EFHB: variants seen among roughly 807,000 people sequenced by gnomAD.
EFHB encodes the protein EF-hand domain family member B.
EFHB carries 91 observed loss-of-function variants against 87.2 expected under a neutral mutation model. The observed-to-expected ratio is 1.04, with a 90% CI of 0.88 to 1.24. EFHB has a LOEUF of 1.24. Ranked by LOEUF, EFHB falls within the 50% of genes most tolerant of loss-of-function variation. The pLI is 0.00. For synonymous variants in EFHB, 325 were observed against 333.6 expected (o/e 0.97, Z 0.28); for missense variants, 1,084 against 998.8 (o/e 1.09, Z -1.15).
intron 1 of EFHB, chr3:19,942,509 G>A (rs1696183054): frequency 6.6e-6 from 1 of 152,214 alleles, no homozygotes; most frequent in South Asian, 2.1e-4. Context: ...GTTGCAGGGG[G>A]TAGGATCGGG....
At chr3:19,920,062 C>T (rs1695384406) in intron 2 of EFHB, 86 bp from the exon 3 acceptor site, 1 of 1,416,962 alleles carries the variant, frequency 7.1e-7, no homozygotes, top group South Asian at 1.3e-5. Flanking sequence ...AACCAACAAC[C>T]TTAAGTGCAT....
At chr3:19,884,723 A>G in intron 10 of EFHB, 108 bp from the exon 11 acceptor site, 1 of 1,092,274 alleles carries the variant, frequency 9.2e-7, no homozygotes, top group East Asian at 2.4e-5. Context: ...TTGCTAATGG[A>G]AACAGCTGGC....
intron 1 of EFHB, among the ~76,000 whole-genome samples, chr3:19,932,565 G>C (rs1695864464): frequency 6.6e-6 from 1 of 152,140 alleles, no homozygotes; most frequent in Admixed American, 6.5e-5. Context: ...GACACCTTTC[G>C]ATGTTAGCTC....
rs534352008 is a variant in EFHB at position 19,882,871 on chromosome 3, C to T, written c.2147-140G>A. 14 of 610,038 alleles carry T rather than the reference C, an allele frequency of 2.3e-5. No homozygotes were observed. The Admixed American group carries it at 2.5e-4, about 11-fold the overall frequency. The allele number at this position is 610,038 out of a possible 1,614,324, so 37.8% of individuals were successfully genotyped here. ...GTGTATTCCAAATGTAAAATTCAAA[C>T]ATTTTAGTAAAAAAAGGAAAATATT... On this transcript the variant is annotated intron_variant, in intron 11 of 12. Transcript: ENST00000295824.
rs1188304973 is a variant in EFHB at position 19,933,988 on chromosome 3, C to T, written c.31G>A (p.Gly11Arg). The change falls in exon 1 of 13, where the codon GGA becomes AGA. Residue 11 changes from glycine (G) to arginine (R), a missense_variant. Physicochemically the swap from Gly to Arg is moderately radical, Grantham distance 125 (BLOSUM62 -2). Coordinates refer to ENST00000295824, the MANE Select transcript of EFHB (RefSeq NM_144715.4). ...CTCTTGTCTCCTAAATCATCCTTTC[C>T]TTCGTGGGGATGTCCAATCTCCATG... MNMEIGHPHEGKDDLGDKRVI... is the reference protein window; with the variant it reads MNMEIGHPHERKDDLGDKRVI... 6.2e-7 allele frequency: 1 copy of T among 1,609,358 alleles called. No individual in the cohort carries two copies. The highest frequency in any genetic ancestry group is 1.7e-5 in the Admixed American group (1 of 58,964).
chr3:19,879,657 G>T lies in EFHB; in HGVS notation c.2476C>A (p.Arg826=), dbSNP rs11917204. The T allele has an allele frequency of 6.3e-7, 1 of 1,598,720 alleles. No individual in the cohort carries two copies. The highest frequency in any genetic ancestry group is 1.8e-5 in the Admixed American group (1 of 55,640). ...CACATGAGTGTTTTACACTTGATCC[G>T]GTCTGCATGCCGTAGCTCATCTAGA... ...NVLDELRHAD[R]IKCKTLM The change falls in exon 13 of 13, where the codon CGG becomes AGG. Residue 826 remains arginine, a synonymous_variant. Coordinates refer to ENST00000295824, the MANE Select transcript of EFHB (RefSeq NM_144715.4).
At chr3:19,909,091 A>G (rs1047350078) in intron 5 of EFHB, among the ~76,000 whole-genome samples, 6 of 141,220 alleles carry the variant, frequency 4.2e-5, no homozygotes, top group Non-Finnish European at 9.1e-5. Context: ...ATGAGTGCCC[A>G]TCTCAAAAAT....
intron 6 of EFHB, among the ~76,000 whole-genome samples, chr3:19,904,625 C>G (rs1694778181): frequency 1.3e-5 from 2 of 152,286 alleles, no homozygotes; most frequent in South Asian, 4.1e-4. Context: ...ATGTCTTTTC[C>G]TCTTGTGTAT....
chr3:19,927,586 CT>C (rs1401173619), intron 1 of EFHB, among the ~76,000 whole-genome samples: 1 of 152,184 alleles, frequency 6.6e-6, no homozygotes, highest in African/African-American at 2.4e-5. Flanking sequence ...TGTATCTGCT[CT>C]TCCTCGCTCA....
At chr3:19,944,992 C>T (rs904593937) in intron 1 of EFHB, among the ~76,000 whole-genome samples, 4 of 152,094 alleles carry the variant, frequency 2.6e-5, no homozygotes, top group Non-Finnish European at 5.9e-5. Context: ...TTAAGACAGC[C>T]ATTATACAGA....
intron 5 of EFHB, among the ~76,000 whole-genome samples, chr3:19,909,214 C>T (rs899901567): frequency 3.3e-5 from 5 of 152,030 alleles, no homozygotes; most frequent in Admixed American, 1.3e-4. Context: ...TCCCCAACCC[C>T]GGCAGCAGCA....
intron 5 of EFHB, among the ~76,000 whole-genome samples, chr3:19,914,987 G>A (rs1695176896): frequency 6.6e-6 from 1 of 151,982 alleles, no homozygotes; most frequent in Non-Finnish European, 1.5e-5. Flanking sequence ...AGCTGTTCAG[G>A]AGGCTAAGGT....
At chr3:19,882,789 T>C in intron 11 of EFHB, 58 bp from the exon 12 acceptor site, 1 of 1,483,728 alleles carries the variant, frequency 6.7e-7, no homozygotes, top group Admixed American at 1.9e-5. Context: ...TGTAACACAG[T>C]AGCCACCAGT....
At chr3:19,911,466 G>A (rs1228374295) in intron 5 of EFHB, among the ~76,000 whole-genome samples, 1 of 151,964 alleles carries the variant, frequency 6.6e-6, no homozygotes, top group Non-Finnish European at 1.5e-5. Flanking sequence ...GCTGAGACAG[G>A]AGAATCACTT....
At chr3:19,918,188 T>A in intron 4 of EFHB, 44 bp downstream of exon 4, 1 of 1,488,978 alleles carries the variant, frequency 6.7e-7, no homozygotes, top group East Asian at 2.4e-5. Context: ...CAAAGAGACT[T>A]ATTTTACCAG....
At chr3:19,924,128 C>T (rs772823870) in intron 1 of EFHB, among the ~76,000 whole-genome samples, 3 of 151,918 alleles carry the variant, frequency 2.0e-5, no homozygotes, top group Admixed American at 2.0e-4. Context: ...ATGATGGTTG[C>T]CAAATGAGGA....
intron 1 of EFHB, among the ~76,000 whole-genome samples, chr3:19,922,789 T>C (rs1018058875): frequency 4.6e-5 from 7 of 152,390 alleles, no homozygotes; most frequent in East Asian, 1.9e-4. Flanking sequence ...ATAGAGATCG[T>C]TGAGAATTAA....
intron 1 of EFHB, among the ~76,000 whole-genome samples, chr3:19,945,759 C>T (rs931816237): frequency 3.6e-4 from 55 of 152,162 alleles, no homozygotes; most frequent in Non-Finnish European, 6.2e-4. Context: ...TGACACATTA[C>T]GTTCTTCTGG....
At chr3:19,932,236 T>A (rs889362157) in intron 1 of EFHB, among the ~76,000 whole-genome samples, 7 of 152,232 alleles carry the variant, frequency 4.6e-5, no homozygotes, top group Admixed American at 3.9e-4. Context: ...AATGTTGTTC[T>A]AACTACCTAC....
Sources: allele counts gnomAD v4.1 joint callset (sites outside exome capture counted in the v4.1 genomes callset), GRCh38; gene constraint gnomAD v4.1.1; transcripts MANE v1.5; gene names NCBI Gene and HGNC (gene_info 2026-07-23, HGNC 2026-07-21).